MVB12B: variants seen among roughly 807,000 people sequenced by gnomAD.
The protein encoded by MVB12B is multivesicular body subunit 12B.
MVB12B carries 16 observed loss-of-function variants against 41.6 expected under a neutral mutation model. The observed-to-expected ratio is 0.38, with a 90% CI of 0.26 to 0.58. MVB12B has a LOEUF of 0.58. Ranked by LOEUF, MVB12B falls within the 20% of genes least tolerant of loss-of-function variation. The pLI is 0.62. For synonymous variants in MVB12B, 133 were observed against 139.7 expected (o/e 0.95, Z 0.34); for missense variants, 274 against 380.2 (o/e 0.72, Z 2.32).
intron 1 of MVB12B, among the ~76,000 whole-genome samples, chr9:126,334,950 C>G (rs1396370414): frequency 6.6e-6 from 1 of 152,140 alleles, no homozygotes; most frequent in Admixed American, 6.5e-5. Flanking sequence ...CTAGTCCTGC[C>G]TCATGGGGTT....
At chr9:126,334,306 A>G (rs1394173453) in intron 1 of MVB12B, among the ~76,000 whole-genome samples, 4 of 152,216 alleles carry the variant, frequency 2.6e-5, no homozygotes, top group Non-Finnish European at 5.9e-5. Context: ...CGCGAGACAG[A>G]TACCTCTGAG....
intron 6 of MVB12B, chr9:126,397,583 A>T: frequency 1.0e-6 from 1 of 985,330 alleles, no homozygotes; most frequent in Non-Finnish European, 1.2e-6. Context: ...AATATGCAAC[A>T]GGATAATTGA....
chr9:126,368,060 C>T (rs367961287), intron 2 of MVB12B, among the ~76,000 whole-genome samples: 1 of 152,102 alleles, frequency 6.6e-6, no homozygotes, highest in East Asian at 1.9e-4. Flanking sequence ...TATCTAGGTG[C>T]GGAAGGGAAG....
At chr9:126,347,749 A>G (rs1480903930) in intron 2 of MVB12B, among the ~76,000 whole-genome samples, 1 of 152,174 alleles carries the variant, frequency 6.6e-6, no homozygotes, top group East Asian at 1.9e-4. Context: ...ACGTTATGAA[A>G]AACATGTGAA....
rs1204443174 is a variant in MVB12B, at chr9:126,480,683, TGA to T, written c.758-682_758-681del. ...CCTTGATGCCCTGGGTCTGAGTGAC[TGA>T]GAGCGACAGCCACTGTTGCCCCCAC... On this transcript the variant is annotated intron_variant, in intron 7 of 9. Coordinates refer to ENST00000361171, the MANE Select transcript of MVB12B (RefSeq NM_033446.3). This position sits in a 1 kb window ranked among gnomAD's most constrained non-coding sequence, Gnocchi z 4.9. 6.6e-6 allele frequency: 1 copy of T among 152,326 alleles called. No homozygotes were observed. Among genetic ancestry groups the T allele is most frequent in the Non-Finnish European group, 1.5e-5 (1 of 68,124 alleles). 9.4% of individuals were successfully genotyped at this position (152,326 alleles called of 1,614,324 possible).
At chr9:126,351,418 C>G (rs1395397847) in intron 2 of MVB12B, among the ~76,000 whole-genome samples, 2 of 150,350 alleles carry the variant, frequency 1.3e-5, no homozygotes, top group Non-Finnish European at 3.0e-5. Context: ...ACTATGTTAC[C>G]TGTGAGAGAG....
chr9:126,419,721 G>GTTCCCAGACCTGGCCAGTC (rs906494185), intron 6 of MVB12B, among the ~76,000 whole-genome samples: 40 of 152,226 alleles, frequency 2.6e-4, no homozygotes, highest in African/African-American at 7.5e-4. Flanking sequence ...CCCTCGCAGG[G>GTTCCCAGACCTGGCCAGTC]TTCCCAGACC....
chr9:126,344,588 C>T (rs1325514182), intron 2 of MVB12B, among the ~76,000 whole-genome samples: 5 of 152,250 alleles, frequency 3.3e-5, no homozygotes, highest in African/African-American at 1.2e-4. Flanking sequence ...GCAGCTGCTG[C>T]TCTGGCCTTT....
At chr9:126,371,313 G>A (rs1830330530) in intron 2 of MVB12B, among the ~76,000 whole-genome samples, 1 of 152,248 alleles carries the variant, frequency 6.6e-6, no homozygotes, top group African/African-American at 2.4e-5. Context: ...CCTTCCTGAT[G>A]ACTTGGAACA....
chr9:126,340,651 G>A lies in MVB12B; in HGVS notation c.204+21G>A. 6.2e-7 allele frequency: 1 copy of A among 1,611,594 alleles called. No individual in the cohort carries two copies. The highest frequency in any genetic ancestry group is 1.1e-5 in the South Asian group (1 of 90,998). On this transcript the variant is annotated intron_variant, in intron 2 of 9. Coordinates refer to ENST00000361171, the MANE Select transcript of MVB12B (RefSeq NM_033446.3). This position sits in a 1 kb window ranked among gnomAD's most constrained non-coding sequence, Gnocchi z 4.0. ...ACGTAGTAAGTCAAGATACTAGTTT[G>A]TACATTTTGCTCACTGATTCTACAA...
chr9:126,363,110 C>G (rs1262145088), intron 2 of MVB12B, among the ~76,000 whole-genome samples: 1 of 151,996 alleles, frequency 6.6e-6, no homozygotes, highest in African/African-American at 2.4e-5. Flanking sequence ...TTGCTTTAAC[C>G]TGGGAGGTGG....
At chr9:126,338,493 T>G (rs866534014) in intron 1 of MVB12B, among the ~76,000 whole-genome samples, 2 of 152,088 alleles carry the variant, frequency 1.3e-5, no homozygotes, top group African/African-American at 2.4e-5. Context: ...TGCTTATTCA[T>G]GCTTACCCCC....
chr9:126,401,024 C>T (rs141565542), intron 6 of MVB12B, among the ~76,000 whole-genome samples: 1 of 152,176 alleles, frequency 6.6e-6, no homozygotes, highest in Non-Finnish European at 1.5e-5. Context: ...TTCCAGTAGC[C>T]TCACCCCACC....
At chr9:126,431,163 G>A (rs1046935693) in intron 7 of MVB12B, among the ~76,000 whole-genome samples, 1 of 152,338 alleles carries the variant, frequency 6.6e-6, no homozygotes, top group African/African-American at 2.4e-5. Context: ...TTCTCAGAGT[G>A]CTCAGAGGAA....
intron 7 of MVB12B, among the ~76,000 whole-genome samples, chr9:126,441,178 C>G (rs1189545895): frequency 6.6e-6 from 1 of 152,238 alleles, no homozygotes; most frequent in Admixed American, 6.5e-5. Context: ...TATTTACTCA[C>G]AAAACCCTCT....
At chr9:126,380,012 C>T (rs1017973581) in intron 2 of MVB12B, among the ~76,000 whole-genome samples, 2 of 152,234 alleles carry the variant, frequency 1.3e-5, no homozygotes, top group Admixed American at 6.5e-5. Context: ...CTCAAAAGGA[C>T]AACCCAGAAG....
chr9:126,327,698 T>C (rs887276326), intron 1 of MVB12B, among the ~76,000 whole-genome samples: 1 of 151,994 alleles, frequency 6.6e-6, no homozygotes, highest in Non-Finnish European at 1.5e-5. Context: ...GGGAACGGGG[T>C]AGACCCAAGA....
chr9:126,334,688 A>G (rs1453672462), intron 1 of MVB12B, among the ~76,000 whole-genome samples: 2 of 152,150 alleles, frequency 1.3e-5, no homozygotes, highest in Non-Finnish European at 2.9e-5. Context: ...ATATGGCACC[A>G]CCCAGCAAAA....
Position 126,505,686 on chromosome 9 carries a change from G to GTA in MVB12B, c.*2424_*2425insAT, listed in dbSNP as rs1834054726. 6.7e-6 allele frequency: 1 copy of GTA among 149,002 alleles called. No homozygotes were observed. The highest frequency in any genetic ancestry group is 2.4e-5 in the African/African-American group (1 of 41,150). The allele number at this position is 149,002 out of a possible 1,614,324, so 9.2% of individuals were successfully genotyped here. A position where few individuals can be genotyped will look rare whatever the true frequency, so the allele number is the denominator to read the frequency against. On this transcript the variant is annotated 3_prime_UTR_variant, in exon 10 of 10. Transcript: ENST00000361171. ...TGTGTGTGTGTGTGTGTGTATATGT[G>GTA]TGTGTGTGCACGCACATGCGTGTGT...
Sources: gnomAD v4.1 joint callset for allele counts (sites outside exome capture counted in the v4.1 genomes callset) on GRCh38, gnomAD v4.1.1 for gene constraint, Gnocchi (gnomAD v3.1) non-coding constraint, MANE v1.5 for transcripts, NCBI Gene and HGNC (gene_info 2026-07-23, HGNC 2026-07-21) for gene names.